The following KCNH8 variants were observed in gnomAD, a reference collection of about 807,000 sequenced individuals.
The protein encoded by KCNH8 is voltage-gated delayed rectifier potassium channel KCNH8.
In KCNH8, 70 loss-of-function variants were observed where a neutral mutation model predicts 103.6. The ratio of observed to expected loss-of-function variants is 0.68; its 90% CI spans 0.56 to 0.82. KCNH8 has a LOEUF of 0.82. Ranked by LOEUF, KCNH8 falls within the 40% of genes least tolerant of loss-of-function variation. The probability of loss-of-function intolerance (pLI) is 0.00; values close to 1 mark genes in which losing one functional copy is unlikely to be tolerated. For missense variants in KCNH8, 1,217 were observed against 1,329.9 expected (o/e 0.92, Z 1.32); for synonymous variants, 498 against 489.4 (o/e 1.02, Z -0.23).
chr3:19,298,987 G>A (rs899297348), intron 3 of KCNH8, among the ~76,000 whole-genome samples: 1 of 151,512 alleles, frequency 6.6e-6, no homozygotes, highest in African/African-American at 2.4e-5. Flanking sequence ...ATAAATAAGA[G>A]GGGTGCTTTG....
At position 19,274,097 on chromosome 3, in the gene KCNH8, A is replaced by G. The variant is rs114200841; in HGVS notation, c.311-7101A>G. Among the ~76,000 whole-genome samples, 870 of 152,294 alleles carry G rather than the reference A, an allele frequency of 5.7e-3. 6 individuals are homozygous for G. Among genetic ancestry groups the G allele is most frequent in the African/African-American group, 0.02 (824 of 41,568 alleles). ...AAAACATTGTCCATAGAAGAGGATC[A>G]TTCCCAGAATATTACATTAATAGTA... On this transcript the variant is annotated intron_variant, in intron 2 of 15. Transcript: ENST00000328405.
intron 3 of KCNH8, among the ~76,000 whole-genome samples, chr3:19,310,681 C>A: frequency 1.6e-5 from 1 of 63,926 alleles, no homozygotes; most frequent in Admixed American, 1.2e-4. Flanking sequence ...TTCTTGAGTT[C>A]AAAGGGGTGA....
chr3:19,331,991 G>T (rs918916818), intron 3 of KCNH8, among the ~76,000 whole-genome samples: 9 of 151,064 alleles, frequency 6.0e-5, no homozygotes, highest in African/African-American at 1.9e-4. Flanking sequence ...TTTGGTAGGA[G>T]AAATTTTTTT....
At chr3:19,249,372 A>G (rs1352088451) in intron 1 of KCNH8, among the ~76,000 whole-genome samples, 1 of 152,264 alleles carries the variant, frequency 6.6e-6, no homozygotes, top group Admixed American at 6.5e-5. Context: ...TCAGACTGCC[A>G]CTAAATCCTC....
At chr3:19,514,190 G>A (rs572995109) in intron 13 of KCNH8, among the ~76,000 whole-genome samples, 1 of 151,966 alleles carries the variant, frequency 6.6e-6, no homozygotes, top group Non-Finnish European at 1.5e-5. Flanking sequence ...TGGATTCAAA[G>A]TTTGTTTTTC....
chr3:19,411,997 ATCT>A (rs2066787900), intron 7 of KCNH8, among the ~76,000 whole-genome samples: 5 of 151,890 alleles, frequency 3.3e-5, no homozygotes, highest in South Asian at 2.1e-4. Flanking sequence ...AACTACCAAC[ATCT>A]TCTTTAAGAA....
chr3:19,353,706 A>G (rs886386426), intron 5 of KCNH8, among the ~76,000 whole-genome samples: 1 of 152,204 alleles, frequency 6.6e-6, no homozygotes, highest in African/African-American at 2.4e-5. Context: ...ACAACTCTCA[A>G]TAAACTAGGT....
chr3:19,501,664 A>G (rs915160109), intron 11 of KCNH8, among the ~76,000 whole-genome samples: 8 of 152,206 alleles, frequency 5.3e-5, no homozygotes, highest in Non-Finnish European at 1.0e-4. Context: ...AAACAGAACC[A>G]AAGACAAAAA....
At chr3:19,437,032 AT>A (rs1253742556) in intron 7 of KCNH8, among the ~76,000 whole-genome samples, 1 of 152,168 alleles carries the variant, frequency 6.6e-6, no homozygotes, top group African/African-American at 2.4e-5. Flanking sequence ...TCAAATTTGC[AT>A]TTTAATTACC....
rs192605294 is a variant in KCNH8, at chr3:19,211,294, G to T, written c.77-42360G>T. ...AAGTGCATGATTTATTTCCAAATAG[G>T]TTTGCTAACACCAAGTATTTTGATT... On this transcript the variant is annotated intron_variant, in intron 1 of 15. Transcript: ENST00000328405. Among the ~76,000 whole-genome samples, 145 of 152,226 alleles carry T rather than the reference G, an allele frequency of 9.5e-4. 1 individual carries two copies. Among genetic ancestry groups the T allele is most frequent in the Non-Finnish European group, 9.9e-4 (67 of 67,994 alleles).
Position 19,219,486 on chromosome 3 carries a change from A to T in KCNH8, c.77-34168A>T, listed in dbSNP as rs76431083. Reference sequence around the variant, plus strand: ...TGAACTTGAGACTTAACAACAGGTCAAAAAATGTGTGTAGCATTCCCATTT... The same window carrying T: ...TGAACTTGAGACTTAACAACAGGTCTAAAAATGTGTGTAGCATTCCCATTT... On this transcript the variant is annotated intron_variant, in intron 1 of 15. Transcript: ENST00000328405. Among the ~76,000 whole-genome samples the T allele has an allele frequency of 7.6e-3, 1,159 of 152,306 alleles. 16 individuals carry two copies. Among genetic ancestry groups the T allele is most frequent in the African/African-American group, 0.026 (1,065 of 41,566 alleles).
chr3:19,311,576 C>T (rs568657819), intron 3 of KCNH8, among the ~76,000 whole-genome samples: 1 of 151,828 alleles, frequency 6.6e-6, no homozygotes, highest in East Asian at 1.9e-4. Flanking sequence ...TTGTCCTACA[C>T]CCAGAAACAT....
chr3:19,271,977 T>C (rs2064594879), intron 2 of KCNH8, among the ~76,000 whole-genome samples: 2 of 152,086 alleles, frequency 1.3e-5, no homozygotes, highest in Non-Finnish European at 2.9e-5. Context: ...GCATAACTTA[T>C]CAAATCAAAT....
At chr3:19,163,261 T>TC (rs2063251085) in intron 1 of KCNH8, among the ~76,000 whole-genome samples, 1 of 150,680 alleles carries the variant, frequency 6.6e-6, no homozygotes, top group Non-Finnish European at 1.5e-5. Flanking sequence ...TATTTTATTT[T>TC]CAGGTAATGT....
intron 5 of KCNH8, among the ~76,000 whole-genome samples, chr3:19,373,348 AT>A (rs1279492991): frequency 1.3e-5 from 2 of 152,020 alleles, no homozygotes; most frequent in African/African-American, 4.8e-5. Flanking sequence ...GGGAGAGTGT[AT>A]GTGTCAAGGA....
intron 15 of KCNH8, among the ~76,000 whole-genome samples, chr3:19,519,257 C>A (rs887447664): frequency 5.9e-5 from 9 of 151,850 alleles, no homozygotes; most frequent in Non-Finnish European, 1.3e-4. Context: ...GCAACAGAAT[C>A]CTTTTCTAGG....
intron 1 of KCNH8, among the ~76,000 whole-genome samples, chr3:19,166,009 T>C (rs2063279568): frequency 6.6e-6 from 1 of 152,212 alleles, no homozygotes; most frequent in African/African-American, 2.4e-5. Flanking sequence ...TTAATATCCC[T>C]TTGGCTAAAG....
chr3:19,488,207 C>T (rs1186451074), intron 11 of KCNH8, among the ~76,000 whole-genome samples: 2 of 152,140 alleles, frequency 1.3e-5, no homozygotes. Context: ...TATTTCCTTA[C>T]AATAGGAGCA....
chr3:19,422,314 T>C (rs1405604496), intron 7 of KCNH8, among the ~76,000 whole-genome samples: 2 of 152,136 alleles, frequency 1.3e-5, no homozygotes, highest in South Asian at 4.1e-4. Flanking sequence ...TGTCAACTAA[T>C]CTTCCAAATC....
Sources: gnomAD v4.1 joint callset for allele counts (sites outside exome capture counted in the v4.1 genomes callset) on GRCh38, gnomAD v4.1.1 for gene constraint, MANE v1.5 for transcripts, NCBI Gene and HGNC (gene_info 2026-07-23, HGNC 2026-07-21) for gene names.